The following CADM1 variants were observed in gnomAD, a reference collection of about 807,000 sequenced individuals.
The protein encoded by CADM1 is cell adhesion molecule 1.
Under a neutral mutation model 53.1 loss-of-function variants are expected in CADM1, and 15 were observed. That is an observed-to-expected ratio of 0.28 (90% CI 0.19 to 0.44). The LOEUF is 0.44. CADM1 is among the 20% of genes least tolerant of loss of function. The pLI is 1.00. For synonymous variants in CADM1, 281 were observed against 243.0 expected (o/e 1.16, Z -1.45); for missense variants, 434 against 611.3 (o/e 0.71, Z 3.06).
intron 1 of CADM1, among the ~76,000 whole-genome samples, chr11:115,419,980 T>C (rs958568129): frequency 1.3e-5 from 2 of 152,214 alleles, no homozygotes; most frequent in Non-Finnish European, 2.9e-5. Flanking sequence ...CAGAACCTCA[T>C]GCTCTCCTCC....
intron 1 of CADM1, among the ~76,000 whole-genome samples, chr11:115,399,978 G>C (rs1046193148): frequency 6.6e-6 from 1 of 152,130 alleles, no homozygotes; most frequent in Non-Finnish European, 1.5e-5. Flanking sequence ...TAAATTTCCA[G>C]AAATGTGTGA....
chr11:115,355,274 C>G (rs913305188), intron 1 of CADM1, among the ~76,000 whole-genome samples: 1 of 151,960 alleles, frequency 6.6e-6, no homozygotes, highest in East Asian at 1.9e-4. Flanking sequence ...GAATACTATG[C>G]AGCTATAAAA....
chr11:115,324,738 T>C (rs1944916690), intron 1 of CADM1, among the ~76,000 whole-genome samples: 1 of 152,168 alleles, frequency 6.6e-6, no homozygotes, highest in Non-Finnish European at 1.5e-5. Context: ...ACTCAGAGAC[T>C]GAGTGGGTTA....
chr11:115,395,609 GACT>G (rs1946975676), intron 1 of CADM1, among the ~76,000 whole-genome samples: 2 of 152,184 alleles, frequency 1.3e-5, no homozygotes, highest in South Asian at 4.1e-4. Flanking sequence ...ATTCCAAGGT[GACT>G]ACCACAGCTT....
intron 1 of CADM1, among the ~76,000 whole-genome samples, chr11:115,413,117 G>A (rs1947498759): frequency 6.6e-6 from 1 of 152,138 alleles, no homozygotes; most frequent in Admixed American, 6.5e-5. Context: ...CAGGAGTGGG[G>A]CTGGGAATAA....
At chr11:115,290,445 C>A (rs964558689) in intron 1 of CADM1, among the ~76,000 whole-genome samples, 1 of 152,032 alleles carries the variant, frequency 6.6e-6, no homozygotes, top group Non-Finnish European at 1.5e-5. Context: ...GCATACTGTG[C>A]GGGAGAAATG....
chr11:115,240,208 T>TAAACATGATA (rs1942175721), intron 2 of CADM1, 66 bp downstream of exon 2: 1 of 1,512,140 alleles, frequency 6.6e-7, no homozygotes, highest in Non-Finnish European at 9.1e-7. Flanking sequence ...GCCTTAGCAA[T>TAAACATGATA]CTCTTTATCA....
chr11:115,424,014 T>C (rs1947825545), intron 1 of CADM1, among the ~76,000 whole-genome samples: 1 of 152,202 alleles, frequency 6.6e-6, no homozygotes, highest in Non-Finnish European at 1.5e-5. Flanking sequence ...TCAAACTCCC[T>C]GTTGAATGGG....
intron 1 of CADM1, among the ~76,000 whole-genome samples, chr11:115,344,294 C>T (rs747607348): frequency 2.3e-4 from 35 of 151,984 alleles, no homozygotes; most frequent in Non-Finnish European, 4.4e-4. Context: ...TGGTACTAAT[C>T]GCAGTCCCAA....
chr11:115,384,454 G>C (rs1283523835), intron 1 of CADM1, among the ~76,000 whole-genome samples: 1 of 152,202 alleles, frequency 6.6e-6, no homozygotes. Context: ...CAAGTACACA[G>C]TGTGATTTGG....
intron 1 of CADM1, among the ~76,000 whole-genome samples, chr11:115,316,658 T>G (rs1250851642): frequency 1.3e-5 from 2 of 152,174 alleles, no homozygotes; most frequent in African/African-American, 4.8e-5. Flanking sequence ...AAAACTGTTA[T>G]GTTCCTTTAG....
intron 1 of CADM1, among the ~76,000 whole-genome samples, chr11:115,491,657 TAACTTGGAACCAACCCAAACTTGGAATAA>T (rs1272052492): frequency 4.6e-5 from 7 of 152,150 alleles, no homozygotes; most frequent in Admixed American, 3.3e-4. Context: ...GTGAAAATAG[TAACTTGGAACCAACCCAAACTTGGAATAA>T]AACTTGGAAC....
chr11:115,244,811 A>C (rs1040556512), intron 1 of CADM1, among the ~76,000 whole-genome samples: 11 of 152,182 alleles, frequency 7.2e-5, no homozygotes, highest in African/African-American at 2.2e-4. Context: ...CCAGAACACA[A>C]TTACACACTT....
intron 1 of CADM1, among the ~76,000 whole-genome samples, chr11:115,396,547 A>G (rs930501362): frequency 9.9e-5 from 15 of 152,212 alleles, no homozygotes; most frequent in Non-Finnish European, 1.0e-4. Context: ...GAGCACATAA[A>G]GGTGAAGGGA....
intron 1 of CADM1, among the ~76,000 whole-genome samples, chr11:115,367,615 T>A (rs562856928): frequency 6.6e-6 from 1 of 152,162 alleles, no homozygotes; most frequent in Non-Finnish European, 1.5e-5. Flanking sequence ...TTCTTCCACG[T>A]TTTTCTTTTC....
At chr11:115,291,646 A>G (rs1202621673) in intron 1 of CADM1, among the ~76,000 whole-genome samples, 1 of 152,180 alleles carries the variant, frequency 6.6e-6, no homozygotes, top group Non-Finnish European at 1.5e-5. Context: ...ATCATTACAC[A>G]CTTCCATAAT....
At chr11:115,233,663 C>G (rs1437051539) in intron 3 of CADM1, among the ~76,000 whole-genome samples, 2 of 151,528 alleles carry the variant, frequency 1.3e-5, no homozygotes. Context: ...ATGAAAACAA[C>G]TAAGGTGTAA....
chr11:115,381,645 T>A (rs1239933352), intron 1 of CADM1, among the ~76,000 whole-genome samples: 1 of 152,090 alleles, frequency 6.6e-6, no homozygotes, highest in Non-Finnish European at 1.5e-5. Flanking sequence ...GTTATAGGGA[T>A]TAAAAGAGAA....
intron 1 of CADM1, among the ~76,000 whole-genome samples, chr11:115,472,396 T>C (rs544985590): frequency 6.6e-6 from 1 of 152,194 alleles, no homozygotes; most frequent in African/African-American, 2.4e-5. Flanking sequence ...TAGAACAGAG[T>C]ACCCAGGCTG....
Sources: allele counts gnomAD v4.1 joint callset (sites outside exome capture counted in the v4.1 genomes callset), GRCh38; gene constraint gnomAD v4.1.1; transcripts MANE v1.5; gene names NCBI Gene and HGNC (gene_info 2026-07-23, HGNC 2026-07-21).